Variants in SENP3 observed in about 807,000 individuals in gnomAD.
SENP3 encodes the protein SUMO specific peptidase 3.
A neutral mutation model predicts 66.2 loss-of-function variants in SENP3; 11 were observed. The observed-to-expected ratio is 0.17, with a 90% confidence interval of 0.10 to 0.28. The LOEUF (loss-of-function observed/expected upper bound fraction) is 0.28, where lower values mean the gene tolerates loss of function less well. SENP3 is among the 10% of genes least tolerant of loss of function. SENP3 has a pLI of 1.00. For missense variants in SENP3, 548 were observed against 743.7 expected (o/e 0.74, Z 3.06); for synonymous variants, 292 against 277.6 (o/e 1.05, Z -0.52).
At chr17:7,565,654 A>C in intron 5 of SENP3, 63 bp from the exon 6 acceptor site, 1 of 1,612,992 alleles carries the variant, frequency 6.2e-7, no homozygotes, top group Non-Finnish European at 8.5e-7. Context: ...GGCCCTCTGC[A>C]TGGGGGAGCC....
At position 7,570,585 on chromosome 17, in the gene SENP3, G is replaced by A; in HGVS notation, c.1479+92G>A. 8 of 1,566,940 alleles carry A rather than the reference G, an allele frequency of 5.1e-6. No individual in the cohort carries two copies. Among genetic ancestry groups the A allele is most frequent in the Non-Finnish European group, 5.2e-6 (6 of 1,152,358 alleles). On this transcript the variant is annotated intron_variant, in intron 8 of 10. Transcript: ENST00000321337. The surrounding 1 kb of genome is among the most constrained non-coding windows in gnomAD (Gnocchi z 5.4). ...AAGGGTGGGCTTTGGGTCTTTGAGG[G>A]GCGACCTGGGCATGGTGTCTGCCAG...
At position 7,571,890 on chromosome 17, in the gene SENP3, T is replaced by A. The variant is rs1357756839; in HGVS notation, c.*407T>A. The A allele has an allele frequency of 0.012, 121 of 10,438 alleles. 13 individuals carry two copies. Among genetic ancestry groups the A allele is most frequent in the Non-Finnish European group, 0.024 (101 of 4,238 alleles). 0.6% of individuals were successfully genotyped at this position (10,438 alleles called of 1,614,324 possible). The stretch of plus-strand genomic sequence containing the variant: ...ATATATATATATATATATATATATA[T>A]ATATATATATATATATATAAAAATA... On this transcript the variant is annotated 3_prime_UTR_variant, in exon 11 of 11. Coordinates refer to ENST00000321337, the MANE Select transcript of SENP3 (RefSeq NM_015670.6).
At position 7,563,066 on chromosome 17, in the gene SENP3, G is replaced by T; in HGVS notation, c.-11G>T. ...GATACCCTGATCTTTTGTTTTTCAGGGTACTGGAAGATGAAAGAGACTATA... is the reference window on the plus strand; with the variant it reads ...GATACCCTGATCTTTTGTTTTTCAGTGTACTGGAAGATGAAAGAGACTATA... On this transcript the variant is annotated splice_region_variant and 5_prime_UTR_variant, in exon 2 of 11. Coordinates refer to ENST00000321337, the MANE Select transcript of SENP3 (RefSeq NM_015670.6). 2 of 1,463,950 alleles carry T rather than the reference G, an allele frequency of 1.4e-6. No individual in the cohort carries two copies. Among genetic ancestry groups the T allele is most frequent in the Non-Finnish European group, 1.8e-6 (2 of 1,108,998 alleles). 90.7% of individuals were successfully genotyped at this position (1,463,950 alleles called of 1,614,324 possible).
chr17:7,570,515 A>C lies in SENP3; in HGVS notation c.1479+22A>C. On this transcript the variant is annotated intron_variant, in intron 8 of 10. Transcript: ENST00000321337. This position sits in a 1 kb window ranked among gnomAD's most constrained non-coding sequence, Gnocchi z 5.4. ...TAAGGTTTGAGGGGGTAGGAGAGAG[A>C]TGGGCAAAATGTGGGGCGGTGCAGT... 1 of 1,605,556 alleles carries C rather than the reference A, an allele frequency of 6.2e-7. No individual in the cohort carries two copies. The highest frequency in any genetic ancestry group is 8.5e-7 in the Non-Finnish European group (1 of 1,175,108).
rs1283964746 is a variant in SENP3, at chr17:7,569,384, C to CAAAAAAAAA, written c.1342-966_1342-958dup. Among the ~76,000 whole-genome samples the CAAAAAAAAA allele has an allele frequency of 1.3e-3, 136 of 106,562 alleles. 2 individuals carry two copies. The highest frequency in any genetic ancestry group is 2.7e-3 in the African/African-American group (76 of 27,772). 69.9% of individuals were successfully genotyped at this position (106,562 alleles called of 152,430 possible). The stretch of plus-strand genomic sequence containing the variant: ...TGGGCAACAGAGCAAGACTCCGTCT[C>CAAAAAAAAA]AAAAAAAAAAAAAAGATTTGTTTTT... On this transcript the variant is annotated intron_variant, in intron 7 of 10. Transcript: ENST00000321337.
rs1185855399 is a variant in SENP3, at chr17:7,571,862, T to C, written c.*379T>C. The C allele has an allele frequency of 7.3e-4, 3 of 4,130 alleles. No homozygotes were observed. Among genetic ancestry groups the C allele is most frequent in the African/African-American group, 2.3e-3 (3 of 1,278 alleles). The allele number at this position is 4,130 out of a possible 1,614,324, so 0.3% of individuals were successfully genotyped here. A position where few individuals can be genotyped will look rare whatever the true frequency, so the allele number is the denominator to read the frequency against. ...TTATATATATATATATATATATATATATATATATATATATATATATATATA... is the reference window on the plus strand; with the variant it reads ...TTATATATATATATATATATATATACATATATATATATATATATATATATA... On this transcript the variant is annotated 3_prime_UTR_variant, in exon 11 of 11. Transcript: ENST00000321337.
intron 7 of SENP3, among the ~76,000 whole-genome samples, chr17:7,569,326 A>G (rs915865098): frequency 3.3e-5 from 5 of 149,254 alleles, no homozygotes; most frequent in Non-Finnish European, 3.0e-5. Context: ...TGGAGCTTGC[A>G]GTGAGGCAAG....
rs368336956 is a variant in SENP3 at position 7,564,858 on chromosome 17, G to A, written c.949G>A (p.Val317Ile). The change falls in exon 3 of 11, where the codon GTA (valine) becomes ATA (isoleucine). Residue 317 changes from valine to isoleucine, a missense_variant. Physicochemically the swap from Val to Ile is conservative, Grantham distance 29 (BLOSUM62 3). Coordinates refer to ENST00000321337, the MANE Select transcript of SENP3 (RefSeq NM_015670.6). ...SPLREEHVTC[V>I]QSILDEFLQT... Reference sequence around the variant, plus strand: ...CCTGCGAGAGGAGCATGTGACCTGCGTACAGAGTAAGGAGCCCTTAAGCAA... The same window carrying A: ...CCTGCGAGAGGAGCATGTGACCTGCATACAGAGTAAGGAGCCCTTAAGCAA... 7.5e-6 allele frequency: 12 copies of A among 1,609,688 alleles called. No individual in the cohort carries two copies. Among genetic ancestry groups the A allele is most frequent in the African/African-American group, 2.7e-5 (2 of 74,812 alleles).
intron 7 of SENP3, among the ~76,000 whole-genome samples, chr17:7,567,903 G>A (rs1019958363): frequency 6.6e-6 from 1 of 152,130 alleles, no homozygotes; most frequent in Non-Finnish European, 1.5e-5. Flanking sequence ...AGATTGAAAG[G>A]GGGGCAAGAA....
At position 7,570,380 on chromosome 17, in the gene SENP3, C is replaced by T; in HGVS notation, c.1366C>T (p.Leu456=). 6.2e-7 allele frequency: 1 copy of T among 1,613,892 alleles called. No individual in the cohort carries two copies. The highest frequency in any genetic ancestry group is 8.5e-7 in the Non-Finnish European group (1 of 1,179,796). The change falls in exon 8 of 11, where the codon CTG becomes TTG. Residue 456 remains leucine (L), a synonymous_variant. Transcript: ENST00000321337. This position sits in a 1 kb window ranked among gnomAD's most constrained non-coding sequence, Gnocchi z 5.4. ...KNVDIFNKEL[L]LIPIHLEVHW... The stretch of plus-strand genomic sequence containing the variant: ...GGTGGACATCTTCAATAAGGAGCTA[C>T]TGCTAATCCCCATCCACCTGGAGGT...
At position 7,570,444 on chromosome 17, in the gene SENP3, C is replaced by G; in HGVS notation, c.1430C>G (p.Thr477Ser). 1 of 1,613,804 alleles carries G rather than the reference C, an allele frequency of 6.2e-7. No homozygotes were observed. The highest frequency in any genetic ancestry group is 1.1e-5 in the South Asian group (1 of 91,086). Residue 477 changes from threonine to serine, a missense_variant, in exon 8 of 11, where the codon ACC becomes AGC. Transcript: ENST00000321337. This position sits in a 1 kb window ranked among gnomAD's most constrained non-coding sequence, Gnocchi z 5.4. ...SLISVDVRRR[T>S]ITYFDSQRTL... ...ATCTCTGTTGATGTGAGGCGACGCA[C>G]CATCACCTATTTTGACTCGCAGCGT...
intron 7 of SENP3, among the ~76,000 whole-genome samples, chr17:7,568,905 CTG>C (rs2071289068): frequency 6.6e-6 from 1 of 152,188 alleles, no homozygotes; most frequent in Non-Finnish European, 1.5e-5. Context: ...CCTTGTGAGA[CTG>C]AGCCCTAAAC....
Position 7,562,391 on chromosome 17 carries a change from C to T in SENP3, c.-12+128C>T, listed in dbSNP as rs548575573. 2.0e-4 allele frequency: 80 copies of T among 395,722 alleles called. No homozygotes were observed. Among genetic ancestry groups the T allele is most frequent in the African/African-American group, 1.4e-3 (70 of 48,674 alleles). 24.5% of individuals were successfully genotyped at this position (395,722 alleles called of 1,614,324 possible). ...TTAAGGCCCGTGTGCGCCGAGCCAT[C>T]CAAGCTCGTGGGACCGGACTGGTGC... On this transcript the variant is annotated intron_variant, in intron 1 of 10. Coordinates refer to ENST00000321337, the MANE Select transcript of SENP3 (RefSeq NM_015670.6). This position sits in a 1 kb window ranked among gnomAD's most constrained non-coding sequence, Gnocchi z 5.0.
chr17:7,566,255 T>A (rs1179071126), intron 6 of SENP3, among the ~76,000 whole-genome samples: 1 of 150,144 alleles, frequency 6.7e-6, no homozygotes, highest in Non-Finnish European at 1.5e-5. Flanking sequence ...GGAGGAGAAC[T>A]GCTTGAACCC....
In SENP3 at chr17:7,570,844, G is replaced by C. The variant is rs768000840; in HGVS notation, c.1564-39G>C. 2.7e-5 allele frequency: 43 copies of C among 1,607,954 alleles called. No individual in the cohort carries two copies. The highest frequency in any genetic ancestry group is 3.6e-5 in the Non-Finnish European group (42 of 1,176,586). On this transcript the variant is annotated intron_variant, in intron 9 of 10. Transcript: ENST00000321337. The surrounding 1 kb of genome is among the most constrained non-coding windows in gnomAD (Gnocchi z 5.4). ...AGAAATTGAAGTCCTACCCCTGGGA[G>C]TCTCCATGTGAAGGGCCTGCTTTCT... is the stretch of plus-strand genomic sequence containing the variant.
At chr17:7,568,768 C>T (rs187007176) in intron 7 of SENP3, among the ~76,000 whole-genome samples, 99 of 152,310 alleles carry the variant, frequency 6.5e-4, no homozygotes, top group African/African-American at 2.3e-3. Context: ...TCCATGAGTT[C>T]TGTGAGCTGC....
At chr17:7,569,667 T>C (rs981334311) in intron 7 of SENP3, among the ~76,000 whole-genome samples, 1 of 152,194 alleles carries the variant, frequency 6.6e-6, no homozygotes, top group African/African-American at 2.4e-5. Context: ...CTTCTTGCAG[T>C]AGAGGGAAGG....
chr17:7,565,659 G>A, intron 5 of SENP3, 58 bp from the exon 6 acceptor site: 1 of 1,612,588 alleles, frequency 6.2e-7, no homozygotes. Context: ...TCTGCATGGG[G>A]GAGCCCTGTA....
Position 7,570,154 on chromosome 17 carries a change from TG to T in SENP3, c.1342-201del, listed in dbSNP as rs1392386566. Among the ~76,000 whole-genome samples the T allele has an allele frequency of 1.3e-5, 2 of 152,200 alleles. No individual in the cohort carries two copies. Among genetic ancestry groups the T allele is most frequent in the Non-Finnish European group, 2.9e-5 (2 of 68,030 alleles). On this transcript the variant is annotated intron_variant, in intron 7 of 10. Transcript: ENST00000321337. The surrounding 1 kb of genome is among the most constrained non-coding windows in gnomAD (Gnocchi z 5.4). ...ATGGGTTCTCCAGTGTTCGTTCTGA[TG>T]TCTCCTCCATTGTCTGACCTTCCTC...
Sources: gnomAD v4.1 joint callset for allele counts (sites outside exome capture counted in the v4.1 genomes callset) on GRCh38, gnomAD v4.1.1 for gene constraint, Gnocchi (gnomAD v3.1) non-coding constraint, MANE v1.5 for transcripts, NCBI Gene and HGNC (gene_info 2026-07-23, HGNC 2026-07-21) for gene names.